FUT9: variants seen among roughly 807,000 people sequenced by gnomAD.
FUT9 encodes fucosyltransferase 9, also known as 4-galactosyl-N-acetylglucosaminide 3-alpha-L-fucosyltransferase 9.
FUT9 carries 15 observed loss-of-function variants against 29.7 expected under a neutral mutation model. That is an observed-to-expected ratio of 0.51 (90% CI 0.34 to 0.78). The LOEUF is 0.78. Among genes scored for constraint, FUT9 ranks in the 30% least tolerant of loss-of-function variants. The probability of loss-of-function intolerance (pLI) is 0.01; values close to 1 mark genes in which losing one functional copy is unlikely to be tolerated. For synonymous variants in FUT9, 169 were observed against 153.7 expected (o/e 1.10, Z -0.74); for missense variants, 319 against 425.4 (o/e 0.75, Z 2.20).
intron 2 of FUT9, among the ~76,000 whole-genome samples, chr6:96,116,425 A>G (rs1242822579): frequency 6.6e-6 from 1 of 152,204 alleles, no homozygotes; most frequent in Non-Finnish European, 1.5e-5. Flanking sequence ...GATCCCATTC[A>G]TAAGTATTTA....
intron 1 of FUT9, among the ~76,000 whole-genome samples, chr6:96,058,468 C>CAAAAAAAAAAAAAAAA (rs3079049): frequency 5.2e-5 from 4 of 77,174 alleles, no homozygotes; most frequent in Non-Finnish European, 6.9e-5. Flanking sequence ...GGCTTTATTC[C>CAAAAAAAAAAAAAAAA]AAAAAAAAAA....
chr6:96,096,426 T>C (rs1362606574), intron 1 of FUT9, among the ~76,000 whole-genome samples: 1 of 152,122 alleles, frequency 6.6e-6, no homozygotes, highest in African/African-American at 2.4e-5. Flanking sequence ...TCAGCTCATA[T>C]CTCTCCTCTG....
At chr6:96,048,736 A>G (rs1481986963) in intron 1 of FUT9, among the ~76,000 whole-genome samples, 1 of 152,174 alleles carries the variant, frequency 6.6e-6, no homozygotes, top group Admixed American at 6.6e-5. Context: ...TGATTCATCA[A>G]ATGTTCCTGG....
In FUT9 at chr6:96,203,589, A is replaced by G. The variant is rs1773768372; in HGVS notation, c.434A>G (p.Lys145Arg). The G allele has an allele frequency of 6.2e-7, 1 of 1,613,944 alleles. No homozygotes were observed. The highest frequency in any genetic ancestry group is 1.3e-5 in the African/African-American group (1 of 75,028). Reference protein sequence around the residue: ...NLESPTHTPQKSGIEHLFNLT... With the variant: ...NLESPTHTPQRSGIEHLFNLT... ...GAATCACCAACTCACACTCCCCAAAAGAGTGGCATTGAGCACTTGTTTAAC... is the reference window on the plus strand; with the variant it reads ...GAATCACCAACTCACACTCCCCAAAGGAGTGGCATTGAGCACTTGTTTAAC... The change falls in exon 3 of 3, where the codon AAG becomes AGG. Residue 145 changes from lysine (K) to arginine (R), a missense_variant. Coordinates refer to ENST00000302103, the MANE Select transcript of FUT9 (RefSeq NM_006581.4).
chr6:96,137,557 A>G (rs555353868), intron 2 of FUT9, among the ~76,000 whole-genome samples: 3 of 152,178 alleles, frequency 2.0e-5, no homozygotes, highest in Admixed American at 2.0e-4. Context: ...AAACCTGATA[A>G]ACATTGCCTC....
At chr6:96,076,869 A>G (rs1771148933) in intron 1 of FUT9, among the ~76,000 whole-genome samples, 1 of 152,162 alleles carries the variant, frequency 6.6e-6, no homozygotes, top group Non-Finnish European at 1.5e-5. Flanking sequence ...CACTTTTTTG[A>G]AGTTTATATA....
intron 1 of FUT9, among the ~76,000 whole-genome samples, chr6:96,059,943 C>A (rs1770843536): frequency 6.6e-6 from 1 of 152,074 alleles, no homozygotes; most frequent in South Asian, 2.1e-4. Flanking sequence ...TATTTCAGTA[C>A]TTATTTTTAT....
At chr6:96,094,602 T>C (rs996999362) in intron 1 of FUT9, among the ~76,000 whole-genome samples, 4 of 152,080 alleles carry the variant, frequency 2.6e-5, no homozygotes, top group Non-Finnish European at 4.4e-5. Context: ...CAGGAATCCA[T>C]TGGGGTCTTG....
intron 2 of FUT9, among the ~76,000 whole-genome samples, chr6:96,158,189 A>G (rs2127978959): frequency 6.6e-6 from 1 of 152,226 alleles, no homozygotes; most frequent in South Asian, 2.1e-4. Flanking sequence ...AAATAAAGGG[A>G]CACACTCTCA....
intron 1 of FUT9, among the ~76,000 whole-genome samples, chr6:96,053,580 G>A (rs1770710999): frequency 6.6e-6 from 1 of 151,992 alleles, no homozygotes; most frequent in African/African-American, 2.4e-5. Flanking sequence ...ATGGTGGCAA[G>A]CACCTATAGT....
At chr6:96,133,815 T>C (rs1772296246) in intron 2 of FUT9, among the ~76,000 whole-genome samples, 1 of 151,998 alleles carries the variant, frequency 6.6e-6, no homozygotes, top group Non-Finnish European at 1.5e-5. Context: ...GACTCTCAAG[T>C]AAATAATAAA....
At chr6:96,023,778 T>G (rs577251908) in intron 1 of FUT9, among the ~76,000 whole-genome samples, 14 of 152,036 alleles carry the variant, frequency 9.2e-5, no homozygotes, top group African/African-American at 2.9e-4. Flanking sequence ...TGCTGTTGTA[T>G]TAAAACACTG....
chr6:96,103,038 GA>G (rs1482502629), intron 1 of FUT9, among the ~76,000 whole-genome samples: 1 of 152,158 alleles, frequency 6.6e-6, no homozygotes, highest in Admixed American at 6.5e-5. Flanking sequence ...TGGGCTATGG[GA>G]AAATAGCAGT....
chr6:96,160,537 T>C (rs977314860), intron 2 of FUT9, among the ~76,000 whole-genome samples: 2 of 152,182 alleles, frequency 1.3e-5, no homozygotes, highest in Non-Finnish European at 2.9e-5. Context: ...GTAAGTGCTA[T>C]AAAGACTCAA....
rs754433315 is a variant in FUT9 at position 96,203,132 on chromosome 6, T to G, written c.-8-16T>G. The G allele has an allele frequency of 1.3e-6, 2 of 1,565,500 alleles. No individual in the cohort carries two copies. Among genetic ancestry groups the G allele is most frequent in the Non-Finnish European group, 1.7e-6 (2 of 1,151,520 alleles). ...TCCCACCGCTACCTCCCCTTCTGTC[T>G]TTCTCTATTTCGTAGGAAAAATTAT... On this transcript the variant is annotated splice_polypyrimidine_tract_variant and intron_variant, in intron 2 of 2. Transcript: ENST00000302103.
rs1773808677 is a variant in FUT9 at position 96,205,324 on chromosome 6, T to C, written c.*1089T>C. On this transcript the variant is annotated 3_prime_UTR_variant, in exon 3 of 3. Coordinates refer to ENST00000302103, the MANE Select transcript of FUT9 (RefSeq NM_006581.4). The stretch of plus-strand genomic sequence containing the variant: ...GGGGATATATAGAAAACACACAGTG[T>C]TAGCACACAGTAAGATCTCAATGCA... 1 of 166,980 alleles carries C rather than the reference T, an allele frequency of 6.0e-6. No homozygotes were observed. The highest frequency in any genetic ancestry group is 6.6e-5 in the Admixed American group (1 of 15,264). 10.3% of individuals were successfully genotyped at this position (166,980 alleles called of 1,614,324 possible).
chr6:96,196,822 T>A (rs1364275885), intron 2 of FUT9, among the ~76,000 whole-genome samples: 1 of 152,202 alleles, frequency 6.6e-6, no homozygotes, highest in Non-Finnish European at 1.5e-5. Context: ...AGAGGCAAGA[T>A]CTTCTCTGGA....
chr6:96,056,709 C>T (rs565512909), intron 1 of FUT9, among the ~76,000 whole-genome samples: 1 of 151,806 alleles, frequency 6.6e-6, no homozygotes, highest in Non-Finnish European at 1.5e-5. Flanking sequence ...GATCGCACCA[C>T]ATCCAGCCCG....
At chr6:96,203,063 T>C (rs544777886) in intron 2 of FUT9, 85 bp from the exon 3 acceptor site, 51 of 998,360 alleles carry the variant, frequency 5.1e-5, no homozygotes, top group Non-Finnish European at 7.0e-5. Context: ...CTCATATTTA[T>C]GATTTTAAAT....
Sources: gnomAD v4.1 joint callset for allele counts (sites outside exome capture counted in the v4.1 genomes callset) on GRCh38, gnomAD v4.1.1 for gene constraint, MANE v1.5 for transcripts, NCBI Gene and HGNC (gene_info 2026-07-23, HGNC 2026-07-21) for gene names.